The following DPP10 variants were observed in gnomAD, a reference collection of about 807,000 sequenced individuals.
DPP10 encodes dipeptidyl peptidase like 10.
DPP10 carries 33 observed loss-of-function variants against 120.9 expected under a neutral mutation model. The ratio of observed to expected loss-of-function variants is 0.27; its 90% CI spans 0.21 to 0.37. DPP10 has a LOEUF of 0.37. Among genes scored for constraint, DPP10 ranks in the 10% least tolerant of loss-of-function variants. DPP10 has a pLI of 1.00. For synonymous variants in DPP10, 337 were observed against 326.1 expected (o/e 1.03, Z -0.36); for missense variants, 816 against 942.8 (o/e 0.87, Z 1.76).
At chr2:115,244,239 T>TATATATAG (rs1348001277) in intron 1 of DPP10, among the ~76,000 whole-genome samples, 8 of 93,478 alleles carry the variant, frequency 8.6e-5, no homozygotes, top group African/African-American at 1.9e-4. Context: ...TATATATATA[T>TATATATAG]AGAGAGAGAG....
intron 3 of DPP10, among the ~76,000 whole-genome samples, chr2:115,413,827 C>G (rs1386262662): frequency 6.6e-6 from 1 of 152,200 alleles, no homozygotes; most frequent in African/African-American, 2.4e-5. Context: ...GTTTGAGATA[C>G]TAGTGGTTAA....
chr2:115,534,233 T>C (rs1328673791), intron 5 of DPP10, among the ~76,000 whole-genome samples: 1 of 152,032 alleles, frequency 6.6e-6, no homozygotes, highest in Non-Finnish European at 1.5e-5. Flanking sequence ...TAGCATTAGG[T>C]ATATCTCCCA....
chr2:114,828,193 T>G (rs547242950), intron 1 of DPP10, among the ~76,000 whole-genome samples: 1 of 152,166 alleles, frequency 6.6e-6, no homozygotes, highest in Non-Finnish European at 1.5e-5. Context: ...CCTCTGATAA[T>G]GGGTAGATGG....
chr2:114,765,960 T>C (rs1237419427), intron 1 of DPP10, among the ~76,000 whole-genome samples: 2 of 152,134 alleles, frequency 1.3e-5, no homozygotes, highest in Non-Finnish European at 2.9e-5. Context: ...CTCAATCAAA[T>C]GTGAGTTCAC....
intron 1 of DPP10, among the ~76,000 whole-genome samples, chr2:114,834,587 C>CGCACCTATGTATATATAAGCCATATCTAA: frequency 7.0e-6 from 1 of 143,220 alleles, no homozygotes; most frequent in Non-Finnish European, 1.6e-5. Context: ...GCCATATCTA[C>CGCACCTATGTATATATAAGCCATATCTAA]GCACCTATGT....
At chr2:115,266,057 T>C (rs950557338) in intron 1 of DPP10, among the ~76,000 whole-genome samples, 1 of 152,156 alleles carries the variant, frequency 6.6e-6, no homozygotes, top group African/African-American at 2.4e-5. Flanking sequence ...CATATTAGTG[T>C]TTCAAAATAT....
intron 2 of DPP10, among the ~76,000 whole-genome samples, chr2:115,341,950 G>T (rs1234799192): frequency 6.6e-6 from 1 of 151,956 alleles, no homozygotes; most frequent in African/African-American, 2.4e-5. Context: ...CCTCCTTTTG[G>T]GTAAATACAA....
intron 1 of DPP10, among the ~76,000 whole-genome samples, chr2:114,906,527 T>A (rs953641554): frequency 6.6e-6 from 1 of 152,158 alleles, no homozygotes; most frequent in African/African-American, 2.4e-5. Flanking sequence ...TTAGTTTGAG[T>A]AAGTTCACTA....
intron 5 of DPP10, among the ~76,000 whole-genome samples, chr2:115,647,264 A>G (rs1249393767): frequency 6.6e-6 from 1 of 152,102 alleles, no homozygotes. Flanking sequence ...ACCCAGAGAA[A>G]TGCCTTCTGA....
intron 1 of DPP10, among the ~76,000 whole-genome samples, chr2:115,059,352 CTTTTT>C (rs70941024): frequency 2.9e-5 from 4 of 135,776 alleles, no homozygotes; most frequent in Admixed American, 2.2e-4. Flanking sequence ...GTAGGTATTT[CTTTTT>C]TTTTTTTTTT....
intron 3 of DPP10, among the ~76,000 whole-genome samples, chr2:115,368,699 T>C (rs575573224): frequency 1.2e-4 from 19 of 152,034 alleles, no homozygotes; most frequent in African/African-American, 4.6e-4. Context: ...GTATAATATG[T>C]TTTCATCAAA....
intron 1 of DPP10, among the ~76,000 whole-genome samples, chr2:114,880,428 A>G (rs1691511158): frequency 6.6e-6 from 1 of 152,218 alleles, no homozygotes; most frequent in South Asian, 2.1e-4. Flanking sequence ...GCATCAGCAT[A>G]GTCAGATATA....
chr2:114,574,673 C>A (rs1039298899), intron 1 of DPP10, among the ~76,000 whole-genome samples: 5 of 152,190 alleles, frequency 3.3e-5, no homozygotes, highest in Non-Finnish European at 5.9e-5. Context: ...CCAATAGCAA[C>A]CGCAACACAA....
At chr2:114,986,481 C>T (rs1195632106) in intron 1 of DPP10, among the ~76,000 whole-genome samples, 1 of 152,118 alleles carries the variant, frequency 6.6e-6, no homozygotes, top group African/African-American at 2.4e-5. Context: ...CCATATGCCC[C>T]TTCTGGATAT....
intron 1 of DPP10, among the ~76,000 whole-genome samples, chr2:115,012,799 G>A (rs1396993184): frequency 1.3e-5 from 2 of 152,136 alleles, no homozygotes; most frequent in Admixed American, 1.3e-4. Context: ...CAGCTCACCA[G>A]CAATAGATCC....
intron 19 of DPP10, among the ~76,000 whole-genome samples, chr2:115,794,501 A>G (rs1412637383): frequency 6.6e-6 from 1 of 152,206 alleles, no homozygotes; most frequent in Admixed American, 6.5e-5. Context: ...TCAAAGATCA[A>G]TGTCAATGTC....
rs1437337796 is a variant in DPP10 at position 114,942,287 on chromosome 2, G to GTATATATATACATATATATATATATATA, written c.61-366945_61-366918dup. Among the ~76,000 whole-genome samples, 872 of 112,640 alleles carry GTATATATATACATATATATATATATATA rather than the reference G, an allele frequency of 7.7e-3. 5 individuals are homozygous for GTATATATATACATATATATATATATATA. The highest frequency in any genetic ancestry group is 0.014 in the Admixed American group (139 of 9,966). 73.9% of individuals were successfully genotyped at this position (112,640 alleles called of 152,430 possible). ...GATTCTGTCTCAAAAAAAAAAATGTGTATATATATACATATATATATATAT... is the reference window on the plus strand; with the variant it reads ...GATTCTGTCTCAAAAAAAAAAATGTGTATATATATACATATATATATATATATATATATATATACATATATATATATAT... On this transcript the variant is annotated intron_variant, in intron 1 of 25. Coordinates refer to ENST00000410059, the MANE Select transcript of DPP10 (RefSeq NM_020868.6).
intron 1 of DPP10, among the ~76,000 whole-genome samples, chr2:114,908,631 C>T (rs1574465850): frequency 6.6e-6 from 1 of 151,626 alleles, no homozygotes; most frequent in East Asian, 1.9e-4. Flanking sequence ...ATGATGTTTT[C>T]TCTTAAGCTT....
intron 5 of DPP10, chr2:115,579,660 T>A (rs2081902224): frequency 6.6e-6 from 1 of 152,184 alleles, no homozygotes; most frequent in African/African-American, 2.4e-5. Flanking sequence ...AGATAATATT[T>A]AAAGAATAAG....
Sources: allele counts gnomAD v4.1 joint callset (sites outside exome capture counted in the v4.1 genomes callset), GRCh38; gene constraint gnomAD v4.1.1; transcripts MANE v1.5; gene names NCBI Gene and HGNC (gene_info 2026-07-23, HGNC 2026-07-21).